The following DAB1 variants were observed in gnomAD, a reference collection of about 807,000 sequenced individuals.
The protein encoded by DAB1 is DAB adaptor protein 1, also known as disabled homolog 1.
A neutral mutation model predicts 64.6 loss-of-function variants in DAB1; 15 were observed. The observed-to-expected ratio is 0.23, with a 90% CI of 0.16 to 0.36. The LOEUF (loss-of-function observed/expected upper bound fraction) is 0.36, where lower values mean the gene tolerates loss of function less well. Ranked by LOEUF, DAB1 falls within the 10% of genes least tolerant of loss-of-function variation. The probability of loss-of-function intolerance (pLI) is 1.00; values close to 1 mark genes in which losing one functional copy is unlikely to be tolerated. For missense variants in DAB1, 596 were observed against 706.7 expected (o/e 0.84, Z 1.78); for synonymous variants, 235 against 251.9 (o/e 0.93, Z 0.64).
chr1:58,048,220 G>T (rs1188748053), intron 5 of DAB1: 1 of 1,251,440 alleles, frequency 8.0e-7, no homozygotes, highest in Non-Finnish European at 1.2e-6. Context: ...TACTGGAACC[G>T]CCATAGCCAC....
At chr1:57,431,449 T>A (rs1036580601) in intron 7 of DAB1, among the ~76,000 whole-genome samples, 1 of 152,106 alleles carries the variant, frequency 6.6e-6, no homozygotes, top group Non-Finnish European at 1.5e-5. Flanking sequence ...TCTTCTGAGG[T>A]CAAAAAAAGC....
chr1:57,467,079 G>C (rs1382787492), intron 7 of DAB1, among the ~76,000 whole-genome samples: 1 of 152,082 alleles, frequency 6.6e-6, no homozygotes, highest in Non-Finnish European at 1.5e-5. Flanking sequence ...ATTATACAAA[G>C]GTAAGAATCA....
chr1:58,448,761 G>A (rs892579114), intron 3 of DAB1, among the ~76,000 whole-genome samples: 6 of 152,172 alleles, frequency 3.9e-5, no homozygotes, highest in African/African-American at 1.4e-4. Context: ...TACTGGAATT[G>A]AGGCTCTGGC....
chr1:57,280,011 G>T (rs965931530), intron 2 of DAB1, among the ~76,000 whole-genome samples: 1 of 152,194 alleles, frequency 6.6e-6, no homozygotes, highest in Non-Finnish European at 1.5e-5. Context: ...TTGGTAAGAG[G>T]ACATATCATT....
intron 5 of DAB1, among the ~76,000 whole-genome samples, chr1:57,985,756 G>A (rs1194517020): frequency 6.6e-6 from 1 of 152,090 alleles, no homozygotes; most frequent in Non-Finnish European, 1.5e-5. Context: ...TGACCTAATA[G>A]CGGAGAAAAT....
intron 2 of DAB1, among the ~76,000 whole-genome samples, chr1:57,289,270 AT>A (rs1672576671): frequency 6.6e-6 from 1 of 152,208 alleles, no homozygotes; most frequent in Non-Finnish European, 1.5e-5. Flanking sequence ...CTAAGATAAC[AT>A]TTTTAATGCA....
intron 4 of DAB1, among the ~76,000 whole-genome samples, chr1:58,230,513 A>G (rs1659725771): frequency 1.3e-5 from 2 of 152,158 alleles, no homozygotes; most frequent in African/African-American, 2.4e-5. Flanking sequence ...ACAAAGCCCA[A>G]GTCCTTATTG....
intron 4 of DAB1, among the ~76,000 whole-genome samples, chr1:57,107,407 C>G (rs1372751235): frequency 6.7e-6 from 1 of 149,650 alleles, no homozygotes; most frequent in East Asian, 2.0e-4. Flanking sequence ...ATCAACCCAT[C>G]AAGCATCTCA....
At chr1:57,585,530 TC>T in intron 7 of DAB1, among the ~76,000 whole-genome samples, 1 of 152,316 alleles carries the variant, frequency 6.6e-6, no homozygotes, top group South Asian at 2.1e-4. Flanking sequence ...TAGTCTTCTT[TC>T]CTTGAACGTG....
chr1:57,414,548 G>A (rs1684351102), intron 1 of DAB1, among the ~76,000 whole-genome samples: 3 of 152,098 alleles, frequency 2.0e-5, no homozygotes, highest in Admixed American at 1.3e-4. Context: ...TGACTCACTT[G>A]ATTGCAATAT....
chr1:58,394,435 T>C (rs1373832368), intron 3 of DAB1, among the ~76,000 whole-genome samples: 1 of 152,202 alleles, frequency 6.6e-6, no homozygotes, highest in African/African-American at 2.4e-5. Context: ...GGCAGCCTTA[T>C]TCTCAACAGC....
At chr1:58,415,452 A>C (rs1001393926) in intron 3 of DAB1, 1 of 244,270 alleles carries the variant, frequency 4.1e-6, no homozygotes, top group Non-Finnish European at 6.6e-6. Context: ...GCTCTTTCAA[A>C]GTCCCTGGCT....
At chr1:57,567,447 A>C (rs1461182499) in intron 7 of DAB1, among the ~76,000 whole-genome samples, 1 of 152,198 alleles carries the variant, frequency 6.6e-6, no homozygotes, top group Non-Finnish European at 1.5e-5. Context: ...CAGGAGAAAG[A>C]AATAAAGGGT....
At chr1:58,492,127 A>G (rs1645705491) in intron 3 of DAB1, among the ~76,000 whole-genome samples, 1 of 152,182 alleles carries the variant, frequency 6.6e-6, no homozygotes, top group Admixed American at 6.5e-5. Context: ...AAACCACTCA[A>G]CCACATGGCA....
At chr1:58,122,172 G>A (rs1347186725) in intron 5 of DAB1, among the ~76,000 whole-genome samples, 1 of 152,176 alleles carries the variant, frequency 6.6e-6, no homozygotes, top group African/African-American at 2.4e-5. Flanking sequence ...GGCAACATCT[G>A]GAACCAAAGA....
chr1:57,700,851 A>G (rs1286007551), intron 6 of DAB1, among the ~76,000 whole-genome samples: 2 of 152,168 alleles, frequency 1.3e-5, no homozygotes, highest in African/African-American at 4.8e-5. Context: ...GTAATTTTCT[A>G]TATCTTGTAG....
intron 7 of DAB1, among the ~76,000 whole-genome samples, chr1:57,573,700 G>A (rs1005312763): frequency 7.9e-5 from 12 of 152,154 alleles, no homozygotes; most frequent in African/African-American, 1.7e-4. Flanking sequence ...CTGAGCCTCC[G>A]TATGGTTACA....
chr1:57,242,610 T>G (rs988929567), intron 2 of DAB1, among the ~76,000 whole-genome samples: 11 of 152,228 alleles, frequency 7.2e-5, no homozygotes, highest in Admixed American at 6.5e-5. Flanking sequence ...AACTCCTTGG[T>G]CTGCATATAA....
At chr1:57,628,637 C>A (rs1645952010) in intron 7 of DAB1, among the ~76,000 whole-genome samples, 1 of 151,988 alleles carries the variant, frequency 6.6e-6, no homozygotes, top group Non-Finnish European at 1.5e-5. Context: ...TCATATACGA[C>A]CCTATTTGGT....
Sources: gnomAD v4.1 joint callset for allele counts (sites outside exome capture counted in the v4.1 genomes callset) on GRCh38, gnomAD v4.1.1 for gene constraint, MANE v1.5 for transcripts, NCBI Gene and HGNC (gene_info 2026-07-23, HGNC 2026-07-21) for gene names.